Variants in HTR1D observed in about 807,000 individuals in gnomAD.
HTR1D encodes 5-HT-1D.
Under a neutral mutation model 21.1 loss-of-function variants are expected in HTR1D, and 18 were observed. The observed-to-expected ratio is 0.85, with a 90% CI of 0.59 to 1.27. The LOEUF (loss-of-function observed/expected upper bound fraction) is 1.27. HTR1D is among the 50% of genes most tolerant of loss of function. The pLI is 0.00. For synonymous variants in HTR1D, 196 were observed against 204.4 expected (o/e 0.96, Z 0.35); for missense variants, 456 against 481.4 (o/e 0.95, Z 0.49).
At chr1:23,212,286 T>C (rs1382805012) in intron 1 of HTR1D, among the ~76,000 whole-genome samples, 1 of 152,160 alleles carries the variant, frequency 6.6e-6, no homozygotes, top group Admixed American at 6.5e-5. Context: ...GACTGGAATC[T>C]CTTGCTTACC....
intron 1 of HTR1D, among the ~76,000 whole-genome samples, chr1:23,213,207 C>T (rs1027976956): frequency 2.0e-4 from 31 of 152,124 alleles, no homozygotes; most frequent in Non-Finnish European, 4.4e-4. Flanking sequence ...TCTTCCCCAG[C>T]ACTTAACCAG....
At chr1:23,195,941 C>A (rs1243144875) in intron 1 of HTR1D, among the ~76,000 whole-genome samples, 1 of 152,140 alleles carries the variant, frequency 6.6e-6, no homozygotes, top group African/African-American at 2.4e-5. Context: ...GACCCTCCAA[C>A]CTTAGCCTCC....
chr1:23,215,120 G>C (rs1036605186), intron 1 of HTR1D, among the ~76,000 whole-genome samples: 11 of 152,202 alleles, frequency 7.2e-5, no homozygotes, highest in Admixed American at 3.3e-4. Flanking sequence ...GCTGAGAGCA[G>C]TGAAAGACTG....
chr1:23,213,556 T>G (rs564402265), intron 1 of HTR1D, among the ~76,000 whole-genome samples: 3 of 152,314 alleles, frequency 2.0e-5, no homozygotes, highest in Admixed American at 1.3e-4. Context: ...TTTCTCTTAA[T>G]AGGCCAGACC....
In HTR1D at chr1:23,193,437, A is replaced by G. The variant is rs140410603; in HGVS notation, c.783T>C (p.His261=). Residue 261 remains histidine (H), a synonymous_variant, in exon 2 of 2, where the codon CAT becomes CAC. Transcript: ENST00000374619. ...SSLCSLNSSL[H]EGHSHSAGSP... Reference sequence around the variant, plus strand: ...AGCCAGCCGAGTGCGAGTGCCCCTCATGGAGGCTGGAGTTGAGCGAGCAGA... The same window carrying G: ...AGCCAGCCGAGTGCGAGTGCCCCTCGTGGAGGCTGGAGTTGAGCGAGCAGA... 5.0e-6 allele frequency: 8 copies of G among 1,614,224 alleles called. No homozygotes were observed. The highest frequency in any genetic ancestry group is 3.3e-5 in the Admixed American group (2 of 60,024).
Position 23,193,215 on chromosome 1 carries a change from C to A in HTR1D, c.1005G>T (p.Pro335=). Residue 335 remains proline, a synonymous_variant, in exon 2 of 2, where the codon CCG becomes CCT. Coordinates refer to ENST00000374619, the MANE Select transcript of HTR1D (RefSeq NM_000864.5). ...PICRDSCWIH[P]ALFDFFTWLG... ...GCCAGGTGAAGAAGTCAAAGAGCGC[C>A]GGGTGGATCCAGCAGGAGTCCCGGC... is the stretch of plus-strand genomic sequence containing the variant. 6.2e-7 allele frequency: 1 copy of A among 1,614,010 alleles called. No homozygotes were observed. Among genetic ancestry groups the A allele is most frequent in the Non-Finnish European group, 8.5e-7 (1 of 1,180,014 alleles).
chr1:23,201,420 C>T (rs1210614182), intron 1 of HTR1D, among the ~76,000 whole-genome samples: 3 of 152,168 alleles, frequency 2.0e-5, no homozygotes, highest in Non-Finnish European at 4.4e-5. Flanking sequence ...CCTTCCCATC[C>T]CTGTATGTCC....
At position 23,203,150 on chromosome 1, in the gene HTR1D, C is replaced by T. The variant is rs112231963; in HGVS notation, c.-782-8149G>A. Reference sequence around the variant, plus strand: ...ACTGACCTCAGGTGATCCCCCACCTCGGCTTCCCAAAGTGCTGGGATTACA... The same window carrying T: ...ACTGACCTCAGGTGATCCCCCACCTTGGCTTCCCAAAGTGCTGGGATTACA... On this transcript the variant is annotated intron_variant, in intron 1 of 1. Transcript: ENST00000374619. 6.7e-3 allele frequency among the ~76,000 whole-genome samples: 1,019 copies of T among 152,166 alleles called. 12 individuals carry two copies. Among genetic ancestry groups the T allele is most frequent in the African/African-American group, 0.022 (934 of 41,530 alleles).
chr1:23,197,918 C>A (rs1037578207), intron 1 of HTR1D, among the ~76,000 whole-genome samples: 1 of 151,712 alleles, frequency 6.6e-6, no homozygotes, highest in East Asian at 1.9e-4. Context: ...AAGAAGATAC[C>A]ATTTTCACCT....
chr1:23,201,896 T>A (rs1644710548), intron 1 of HTR1D, among the ~76,000 whole-genome samples: 1 of 152,082 alleles, frequency 6.6e-6, no homozygotes, highest in Non-Finnish European at 1.5e-5. Flanking sequence ...CAATCCCTAC[T>A]GTGGGGTCCA....
intron 1 of HTR1D, among the ~76,000 whole-genome samples, chr1:23,202,068 G>T (rs1269087422): frequency 6.6e-6 from 1 of 151,606 alleles, no homozygotes; most frequent in African/African-American, 2.4e-5. Context: ...TATTTTTCGT[G>T]GTTTTTTGTT....
rs202151018 is a variant in HTR1D at position 23,193,565 on chromosome 1, G to A, written c.655C>T (p.Arg219Trp). The A allele has an allele frequency of 2.4e-5, 39 of 1,614,020 alleles. No individual in the cohort carries two copies. Among genetic ancestry groups the A allele is most frequent in the Admixed American group, 1.5e-4 (9 of 60,020 alleles). Residue 219 changes from arginine (R) to tryptophan (W), a missense_variant, in exon 2 of 2, where the codon CGG becomes TGG. Arg to Trp is a moderately radical substitution (Grantham distance 101, BLOSUM62 -3). Coordinates refer to ENST00000374619, the MANE Select transcript of HTR1D (RefSeq NM_000864.5). ...PSVLLIILYG[R>W]IYRAARNRIL... Reference sequence around the variant, plus strand: ...CGGTTCCGGGCAGCCCGGTAGATCCGGCCATATAGGATGATGAGCAACACC... The same window carrying A: ...CGGTTCCGGGCAGCCCGGTAGATCCAGCCATATAGGATGATGAGCAACACC...
chr1:23,206,467 T>G (rs1432430910), intron 1 of HTR1D, among the ~76,000 whole-genome samples: 1 of 152,126 alleles, frequency 6.6e-6, no homozygotes, highest in African/African-American at 2.4e-5. Context: ...TTTCCTTCCA[T>G]CTCCAGCCCC....
chr1:23,200,723 G>A (rs1446587242), intron 1 of HTR1D, among the ~76,000 whole-genome samples: 3 of 152,090 alleles, frequency 2.0e-5, no homozygotes, highest in African/African-American at 7.2e-5. Context: ...TCTCTATGGT[G>A]CATCCAACCA....
At chr1:23,198,527 G>A (rs532845927) in intron 1 of HTR1D, among the ~76,000 whole-genome samples, 88 of 152,330 alleles carry the variant, frequency 5.8e-4, no homozygotes, top group African/African-American at 2.0e-3. Flanking sequence ...ATGCATGGCA[G>A]AGAAACTCTT....
intron 1 of HTR1D, among the ~76,000 whole-genome samples, chr1:23,206,716 C>A (rs1475600325): frequency 5.3e-5 from 8 of 152,298 alleles, no homozygotes; most frequent in African/African-American, 1.7e-4. Context: ...TAACCTCCCC[C>A]CAAGCCCGGC....
Position 23,204,045 on chromosome 1 carries a change from C to T in HTR1D, c.-782-9044G>A, listed in dbSNP as rs113770829. Among the ~76,000 whole-genome samples, 64 of 152,288 alleles carry T rather than the reference C, an allele frequency of 4.2e-4. 1 individual carries two copies. In the South Asian group the frequency reaches 0.011, roughly 27 times the overall value. The stretch of plus-strand genomic sequence containing the variant: ...GTAAGACATGACTTTGCTCCTCCTT[C>T]GCCTTTCACCATGATTGTGAGGCCT... On this transcript the variant is annotated intron_variant, in intron 1 of 1. Coordinates refer to ENST00000374619, the MANE Select transcript of HTR1D (RefSeq NM_000864.5).
At chr1:23,214,434 T>C (rs912460623) in intron 1 of HTR1D, among the ~76,000 whole-genome samples, 1 of 151,910 alleles carries the variant, frequency 6.6e-6, no homozygotes, top group East Asian at 1.9e-4. Flanking sequence ...CATCATTCAT[T>C]CATTCATTCA....
intron 1 of HTR1D, among the ~76,000 whole-genome samples, chr1:23,206,320 G>A (rs1020384025): frequency 4.6e-5 from 7 of 152,068 alleles, no homozygotes; most frequent in Non-Finnish European, 1.0e-4. Flanking sequence ...GTGAGCCAAC[G>A]CGCCGGGCCC....
Sources: allele counts gnomAD v4.1 joint callset (sites outside exome capture counted in the v4.1 genomes callset), GRCh38; gene constraint gnomAD v4.1.1; transcripts MANE v1.5; gene names NCBI Gene and HGNC (gene_info 2026-07-23, HGNC 2026-07-21).